The following LEP variants were observed in gnomAD, a reference collection of about 807,000 sequenced individuals.
LEP encodes leptin (murine obesity homolog).
A neutral mutation model predicts 9.8 loss-of-function variants in LEP; 6 were observed. That is an observed-to-expected ratio of 0.61 (90% confidence interval 0.34 to 1.21). The LOEUF (loss-of-function observed/expected upper bound fraction) is 1.21. Ranked by LOEUF, LEP falls within the 50% of genes most tolerant of loss-of-function variation. LEP has a pLI of 0.04. For synonymous variants in LEP, 112 were observed against 81.7 expected (o/e 1.37, Z -2.00); for missense variants, 134 against 198.1 (o/e 0.68, Z 1.94).
At chr7:128,252,525 T>A (rs1795287675) in intron 2 of LEP, among the ~76,000 whole-genome samples, 1 of 152,018 alleles carries the variant, frequency 6.6e-6, no homozygotes, top group Non-Finnish European at 1.5e-5. Context: ...AGCCCAAGAG[T>A]TCGAGACCAG....
chr7:128,254,955 A>C lies in LEP; in HGVS notation c.*192A>C. On this transcript the variant is annotated 3_prime_UTR_variant, in exon 3 of 3. Coordinates refer to ENST00000308868, the MANE Select transcript of LEP (RefSeq NM_000230.3). ...TCCTTTTGCTTGAAACCAAAGATAT[A>C]TACACAGGATCCTATTCTCACCAGG... 4.7e-6 allele frequency: 3 copies of C among 641,398 alleles called. No homozygotes were observed. The highest frequency in any genetic ancestry group is 2.8e-6 in the Non-Finnish European group (1 of 362,066). The allele number at this position is 641,398 out of a possible 1,614,324, so 39.7% of individuals were successfully genotyped here.
rs544740653 is a variant in LEP at position 128,247,031 on chromosome 7, T to G, written c.-28-4960T>G. 5.3e-5 allele frequency among the ~76,000 whole-genome samples: 8 copies of G among 152,306 alleles called. No homozygotes were observed. The South Asian group carries it at 1.7e-3, about 32-fold the overall frequency. ...AGAGACCCCTCTCCTCTCCAGGAGCTGCTTCAGTAGCACTCAGAGGAAAGA... is the reference window on the plus strand; with the variant it reads ...AGAGACCCCTCTCCTCTCCAGGAGCGGCTTCAGTAGCACTCAGAGGAAAGA... On this transcript the variant is annotated intron_variant, in intron 1 of 2. Coordinates refer to ENST00000308868, the MANE Select transcript of LEP (RefSeq NM_000230.3).
intron 1 of LEP, among the ~76,000 whole-genome samples, chr7:128,245,056 CTGTG>C (rs1293653141): frequency 2.0e-5 from 3 of 151,662 alleles, no homozygotes; most frequent in Non-Finnish European, 1.5e-5. Flanking sequence ...GTGTGTGTGT[CTGTG>C]TGTGTGTATG....
In LEP at chr7:128,255,076, C is replaced by T. The variant is rs201349081; in HGVS notation, c.*313C>T. 5.1e-6 allele frequency: 2 copies of T among 391,372 alleles called. No individual in the cohort carries two copies. The highest frequency in any genetic ancestry group is 2.3e-5 in the South Asian group (1 of 43,646). The allele number at this position is 391,372 out of a possible 1,614,324, so 24.2% of individuals were successfully genotyped here. ...GTTGTCTTGTCCCCTCTTGACCCAT[C>T]TCCCCCTCACTGAATGCCTCAATGT... On this transcript the variant is annotated 3_prime_UTR_variant, in exon 3 of 3. Transcript: ENST00000308868.
At position 128,257,039 on chromosome 7, in the gene LEP, T is replaced by C. The variant is rs1305356669; in HGVS notation, c.*2276T>C. 6.6e-6 allele frequency: 1 copy of C among 152,190 alleles called. No homozygotes were observed. The highest frequency in any genetic ancestry group is 1.9e-4 in the East Asian group (1 of 5,182). 9.4% of individuals were successfully genotyped at this position (152,190 alleles called of 1,614,324 possible). ...GGCAAGGGCCATGCTGAAGGGACCT[T>C]GAAGGGTAAAGAAGTTTGATATTAA... On this transcript the variant is annotated 3_prime_UTR_variant, in exon 3 of 3. Transcript: ENST00000308868.
chr7:128,246,486 G>C (rs28954090), intron 1 of LEP, among the ~76,000 whole-genome samples: 6,862 of 152,160 alleles, frequency 0.045, 452 homozygotes, highest in African/African-American at 0.15. Context: ...ATGGGGTCTT[G>C]CTGTGTCACA....
intron 1 of LEP, among the ~76,000 whole-genome samples, chr7:128,248,228 C>T (rs542693763): frequency 3.3e-5 from 5 of 152,176 alleles, no homozygotes; most frequent in East Asian, 1.9e-4. Flanking sequence ...GTCAGGAGTT[C>T]GAGACCAGCC....
intron 1 of LEP, among the ~76,000 whole-genome samples, chr7:128,241,599 GA>G (rs1795152326): frequency 6.6e-6 from 1 of 152,240 alleles, no homozygotes; most frequent in African/African-American, 2.4e-5. Context: ...GGCATTCGCA[GA>G]GCTGAGATGC....
intron 1 of LEP, among the ~76,000 whole-genome samples, chr7:128,248,119 C>A (rs1795234058): frequency 6.6e-6 from 1 of 152,062 alleles, no homozygotes; most frequent in Non-Finnish European, 1.5e-5. Context: ...ATGGTGAAAC[C>A]CCATCTCTAC....
chr7:128,244,246 G>GAC (rs60815271), intron 1 of LEP, among the ~76,000 whole-genome samples: 1,769 of 147,124 alleles, frequency 0.012, 8 homozygotes, highest in Non-Finnish European at 0.014. Context: ...GCAAGACCCT[G>GAC]ACACACACAC....
chr7:128,249,550 T>C (rs931198973), intron 1 of LEP, among the ~76,000 whole-genome samples: 2 of 152,232 alleles, frequency 1.3e-5, no homozygotes, highest in African/African-American at 4.8e-5. Context: ...CTTAGTCACA[T>C]GGTCACACCT....
At chr7:128,252,705 TG>T (rs1795290099) in intron 2 of LEP, among the ~76,000 whole-genome samples, 1 of 151,936 alleles carries the variant, frequency 6.6e-6, no homozygotes, top group Admixed American at 6.5e-5. Flanking sequence ...TGCTCCAGCC[TG>T]GGTGACAGAG....
intron 1 of LEP, among the ~76,000 whole-genome samples, chr7:128,251,154 T>G (rs143229153): frequency 9.4e-4 from 143 of 152,360 alleles, no homozygotes; most frequent in African/African-American, 3.3e-3. Flanking sequence ...GAGCCCCCTG[T>G]GCCTTCCAGT....
chr7:128,254,864 T>A lies in LEP; in HGVS notation c.*101T>A, dbSNP rs754834974. 7 of 1,306,844 alleles carry A rather than the reference T, an allele frequency of 5.4e-6. No individual in the cohort carries two copies. Among genetic ancestry groups the A allele is most frequent in the Non-Finnish European group, 6.5e-6 (6 of 929,156 alleles). 81.0% of individuals were successfully genotyped at this position (1,306,844 alleles called of 1,614,324 possible). A position where few individuals can be genotyped will look rare whatever the true frequency, so the allele number is the denominator to read the frequency against. On this transcript the variant is annotated 3_prime_UTR_variant, in exon 3 of 3. Transcript: ENST00000308868. ...AAGAGCATTGCATGGACACCCCTTA[T>A]CCAGGACTCTGTCAATTTCCCTGAC...
At position 128,254,324 on chromosome 7, in the gene LEP, G is replaced by T; in HGVS notation, c.145-80G>T. The T allele has an allele frequency of 1.9e-6, 3 of 1,580,874 alleles. No homozygotes were observed. The South Asian group carries it at 3.3e-5, about 18-fold the overall frequency. ...GGCAGCCCAGAGAATGACCCTCCATGCCCACGGGGAAGGCAGAGGGCTCTG... is the reference window on the plus strand; with the variant it reads ...GGCAGCCCAGAGAATGACCCTCCATTCCCACGGGGAAGGCAGAGGGCTCTG... On this transcript the variant is annotated intron_variant, in intron 2 of 2. Transcript: ENST00000308868.
intron 1 of LEP, among the ~76,000 whole-genome samples, chr7:128,244,766 T>C (rs1193778822): frequency 2.8e-4 from 42 of 152,218 alleles, no homozygotes; most frequent in Admixed American, 1.8e-3. Context: ...AGTGGCTATG[T>C]GGGCTCTGGT....
chr7:128,252,346 C>T (rs1795285281), intron 2 of LEP, among the ~76,000 whole-genome samples, 184 bp downstream of exon 2: 1 of 152,174 alleles, frequency 6.6e-6, no homozygotes, highest in Admixed American at 6.5e-5. Flanking sequence ...TCTTTTGGCC[C>T]CTCTGCCTGC....
chr7:128,248,636 A>T (rs10244329), intron 1 of LEP, among the ~76,000 whole-genome samples: 75,893 of 152,082 alleles, frequency 0.5, 19,226 homozygotes, highest in African/African-American at 0.54. Flanking sequence ...CTTCCTTGCA[A>T]TGAAGTTAAA....
chr7:128,246,787 G>T (rs955729665), intron 1 of LEP, among the ~76,000 whole-genome samples: 15 of 152,042 alleles, frequency 9.9e-5, no homozygotes, highest in South Asian at 2.1e-4. Context: ...AGCTCCAGGG[G>T]CTCCACATTC....
Sources: allele counts gnomAD v4.1 joint callset (sites outside exome capture counted in the v4.1 genomes callset), GRCh38; gene constraint gnomAD v4.1.1; transcripts MANE v1.5; gene names NCBI Gene and HGNC (gene_info 2026-07-23, HGNC 2026-07-21).